The following RPS5 variants were observed in gnomAD, a reference collection of about 807,000 sequenced individuals.
The protein encoded by RPS5 is ribosomal protein S5.
RPS5 carries 2 observed loss-of-function variants against 20.9 expected under a neutral mutation model. The observed-to-expected ratio is 0.10, with a 90% CI of 0.04 to 0.30. RPS5 has a LOEUF of 0.30. RPS5 is among the 10% of genes least tolerant of loss of function. The pLI, the probability that RPS5 is intolerant of heterozygous loss-of-function variation, is 1.00. For synonymous variants in RPS5, 112 were observed against 105.8 expected (o/e 1.06, Z -0.36); for missense variants, 122 against 287.2 (o/e 0.42, Z 4.16).
chr19:58,394,614 G>A lies in RPS5; in HGVS notation c.546+19G>A. On this transcript the variant is annotated intron_variant, in intron 5 of 5. Transcript: ENST00000196551. Reference sequence around the variant, plus strand: ...TGCCAAGGTGGGTGAGGGCACTCCGGTTGGGGGGTCTTAAGTTGGGCATTT... The same window carrying A: ...TGCCAAGGTGGGTGAGGGCACTCCGATTGGGGGGTCTTAAGTTGGGCATTT... The A allele has an allele frequency of 6.2e-7, 1 of 1,613,872 alleles. No individual in the cohort carries two copies. Among genetic ancestry groups the A allele is most frequent in the Non-Finnish European group, 8.5e-7 (1 of 1,179,756 alleles).
intron 1 of RPS5, 187 bp from the exon 2 acceptor site, chr19:58,387,950 G>C: frequency 1.7e-6 from 1 of 592,044 alleles, no homozygotes; most frequent in Non-Finnish European, 3.0e-6. Context: ...GTGAAAGACA[G>C]ATGCTTCTTG....
intron 2 of RPS5, 84 bp downstream of exon 2, chr19:58,388,329 A>G (rs1381886272): frequency 3.2e-6 from 3 of 940,524 alleles, no homozygotes; most frequent in East Asian, 2.6e-5. Flanking sequence ...TTGCTGTGCC[A>G]TTAAGTCAAG....
chr19:58,392,933 T>A (rs781001606), intron 2 of RPS5, 43 bp from the exon 3 acceptor site: 1 of 1,594,310 alleles, frequency 6.3e-7, no homozygotes, highest in East Asian at 2.2e-5. Context: ...CCCATGCTGC[T>A]CCTGACCATT....
chr19:58,389,004 A>C (rs1412478006), intron 2 of RPS5, among the ~76,000 whole-genome samples: 1 of 151,988 alleles, frequency 6.6e-6, no homozygotes, highest in Admixed American at 6.6e-5. Flanking sequence ...CCAGTACCAC[A>C]CTTTCTTGCT....
At chr19:58,392,324 G>GGC (rs1189782306) in intron 2 of RPS5, among the ~76,000 whole-genome samples, 23 of 148,978 alleles carry the variant, frequency 1.5e-4, no homozygotes, top group Admixed American at 9.4e-4. Flanking sequence ...TCAGCCTCAA[G>GGC]GGGGGGAAAA....
chr19:58,394,346 T>C (rs2052383363), intron 4 of RPS5, 151 bp from the exon 5 acceptor site: 7 of 647,740 alleles, frequency 1.1e-5, no homozygotes, highest in Non-Finnish European at 2.0e-5. Context: ...TGTGACCCTC[T>C]ATCTGATTGC....
chr19:58,388,444 A>C, intron 2 of RPS5, 199 bp downstream of exon 2: 1 of 575,242 alleles, frequency 1.7e-6, no homozygotes, highest in Non-Finnish European at 3.1e-6. Flanking sequence ...TCATGAGAGG[A>C]CTCCTTCACC....
intron 4 of RPS5, 112 bp from the exon 5 acceptor site, chr19:58,394,385 T>G (rs1163874719): frequency 1.2e-6 from 1 of 809,362 alleles, no homozygotes; most frequent in Admixed American, 2.1e-5. Context: ...CCACCTCTTG[T>G]CTCAGTGGGC....
Position 58,388,002 on chromosome 19 carries a change from A to G in RPS5, c.-1-135A>G, listed in dbSNP as rs1403435054. 8.0e-6 allele frequency: 5 copies of G among 625,660 alleles called. No individual in the cohort carries two copies. The East Asian group carries it at 1.4e-4, about 17-fold the overall frequency. The allele number at this position is 625,660 out of a possible 1,614,324, so 38.8% of individuals were successfully genotyped here. A position where few individuals can be genotyped will look rare whatever the true frequency, so the allele number is the denominator to read the frequency against. On this transcript the variant is annotated intron_variant, in intron 1 of 5. Transcript: ENST00000196551. ...TTTTCTAGTGCTTGAAAACACGTTCACGGCCTTTCTTGGTCCTTTGCGACC... is the reference window on the plus strand; with the variant it reads ...TTTTCTAGTGCTTGAAAACACGTTCGCGGCCTTTCTTGGTCCTTTGCGACC...
In RPS5 at chr19:58,388,184, A is replaced by G; in HGVS notation, c.47A>G (p.Asp16Gly). 3 of 1,613,256 alleles carry G rather than the reference A, an allele frequency of 1.9e-6. No individual in the cohort carries two copies. Among genetic ancestry groups the G allele is most frequent in the Non-Finnish European group, 2.5e-6 (3 of 1,179,926 alleles). ...TAAPAVAETP[D>G]IKLFGKWSTD... Reference sequence around the variant, plus strand: ...GCACCAGCGGTGGCAGAGACCCCAGACATCAAGCTCTTTGGGAAGTGGAGC... The same window carrying G: ...GCACCAGCGGTGGCAGAGACCCCAGGCATCAAGCTCTTTGGGAAGTGGAGC... The change falls in exon 2 of 6, where the codon GAC becomes GGC. Residue 16 changes from aspartate to glycine, a missense_variant. This residue lies in a region of RPS5 where 22 missense variants were observed against 38.0 expected (regional missense o/e 0.58). Transcript: ENST00000196551.
chr19:58,389,257 C>T (rs908189941), intron 2 of RPS5, among the ~76,000 whole-genome samples: 1 of 152,050 alleles, frequency 6.6e-6, no homozygotes, highest in Admixed American at 6.6e-5. Context: ...CACTTTCCTC[C>T]TCTTTTTTTT....
intron 2 of RPS5, among the ~76,000 whole-genome samples, chr19:58,391,441 A>AAAAAAC (rs2052362785): frequency 6.7e-6 from 1 of 150,312 alleles, no homozygotes; most frequent in African/African-American, 2.5e-5. Context: ...TCAAAAAAAA[A>AAAAAAC]AAAAAAAAAA....
At chr19:58,392,727 T>A (rs2052371747) in intron 2 of RPS5, among the ~76,000 whole-genome samples, 1 of 151,986 alleles carries the variant, frequency 6.6e-6, no homozygotes. Flanking sequence ...AAATCTAGTC[T>A]CCTTAGATTC....
chr19:58,390,832 C>A (rs1413908810), intron 2 of RPS5, among the ~76,000 whole-genome samples: 1 of 152,044 alleles, frequency 6.6e-6, no homozygotes, highest in Non-Finnish European at 1.5e-5. Flanking sequence ...TGCGTGAATG[C>A]CCTTCACGAG....
chr19:58,393,388 C>T lies in RPS5; in HGVS notation c.348C>T (p.Ile116=), dbSNP rs751095595. ...CTCTGCAGGTCCTGGTGAACGCCAT[C>T]ATCAACAGTGGTCCCCGGGAGGACT... ...ENPLQVLVNA[I]INSGPREDST... The change falls in exon 4 of 6, where the codon ATC becomes ATT. Residue 116 remains isoleucine (I), a synonymous_variant. Transcript: ENST00000196551. 7 of 1,613,830 alleles carry T rather than the reference C, an allele frequency of 4.3e-6. No individual in the cohort carries two copies. Among genetic ancestry groups the T allele is most frequent in the Non-Finnish European group, 5.1e-6 (6 of 1,180,048 alleles).
At chr19:58,393,713 A>G (rs1290086435) in intron 4 of RPS5, 2 of 534,760 alleles carry the variant, frequency 3.7e-6, no homozygotes, top group African/African-American at 2.4e-5. Flanking sequence ...TTGGGTGTAT[A>G]TTTTTACACT....
At chr19:58,391,243 C>T (rs1338681337) in intron 2 of RPS5, among the ~76,000 whole-genome samples, 1 of 151,770 alleles carries the variant, frequency 6.6e-6, no homozygotes, top group East Asian at 1.9e-4. Context: ...ACCAGCCTGG[C>T]CAACATGGTG....
intron 2 of RPS5, among the ~76,000 whole-genome samples, chr19:58,392,309 A>T (rs1208592190): frequency 6.8e-6 from 1 of 147,556 alleles, no homozygotes; most frequent in Non-Finnish European, 1.5e-5. Flanking sequence ...GGGTGACAGC[A>T]AGACTCAGCC....
intron 2 of RPS5, among the ~76,000 whole-genome samples, chr19:58,391,140 A>T (rs1247467080): frequency 3.3e-5 from 5 of 152,076 alleles, no homozygotes; most frequent in Middle Eastern, 3.2e-3. Flanking sequence ...TTGTTAAATG[A>T]TTGTTTTAAA....
Sources: allele counts gnomAD v4.1 joint callset (sites outside exome capture counted in the v4.1 genomes callset), GRCh38; gene constraint gnomAD v4.1.1; regional missense constraint gnomAD v4.1.1; transcripts MANE v1.5; gene names NCBI Gene and HGNC (gene_info 2026-07-23, HGNC 2026-07-21).